The following FAR2 variants were observed in gnomAD, a reference collection of about 807,000 sequenced individuals.
The protein encoded by FAR2 is epididymis secretory protein Li 81.
A neutral mutation model predicts 56.0 loss-of-function variants in FAR2; 19 were observed. The observed-to-expected ratio is 0.34, with a 90% confidence interval of 0.24 to 0.50. The LOEUF is 0.50. Among genes scored for constraint, FAR2 ranks in the 20% least tolerant of loss-of-function variants. The pLI is 0.98. For missense variants in FAR2, 508 were observed against 642.2 expected (o/e 0.79, Z 2.26); for synonymous variants, 219 against 218.8 (o/e 1.00, Z -0.01).
rs770967446 is a variant in FAR2, at chr12:29,270,688, T to C, written c.189+50T>C. 2.7e-6 allele frequency: 4 copies of C among 1,486,994 alleles called. No homozygotes were observed. The South Asian group carries it at 5.4e-5, about 20-fold the overall frequency. 92.1% of individuals were successfully genotyped at this position (1,486,994 alleles called of 1,614,324 possible). A position where few individuals can be genotyped will look rare whatever the true frequency, so the allele number is the denominator to read the frequency against. ...TGATGGGCAATGCCTTAGGGCAAGA[T>C]GATTCACTACAATGTTCTCTTATAG... On this transcript the variant is annotated intron_variant, in intron 2 of 11. Coordinates refer to ENST00000536681, the MANE Select transcript of FAR2 (RefSeq NM_001271783.2).
At chr12:29,170,691 C>G (rs777120180) in intron 1 of FAR2, among the ~76,000 whole-genome samples, 19 of 151,990 alleles carry the variant, frequency 1.3e-4, no homozygotes, top group Non-Finnish European at 2.4e-4. Context: ...CTTCCTCTCT[C>G]TCTTTGACTT....
intron 1 of FAR2, among the ~76,000 whole-genome samples, chr12:29,239,960 A>G (rs937472985): frequency 1.3e-5 from 2 of 152,148 alleles, no homozygotes; most frequent in Non-Finnish European, 2.9e-5. Context: ...ACCACTATCC[A>G]GTCATCTGGC....
chr12:29,167,857 TAGAG>T (rs1438785087), intron 1 of FAR2, among the ~76,000 whole-genome samples: 1 of 152,176 alleles, frequency 6.6e-6, no homozygotes, highest in Non-Finnish European at 1.5e-5. Flanking sequence ...GACCAATGAC[TAGAG>T]AGAGTATCAA....
intron 1 of FAR2, among the ~76,000 whole-genome samples, chr12:29,198,170 C>T (rs967944182): frequency 2.0e-5 from 3 of 152,020 alleles, no homozygotes; most frequent in South Asian, 2.1e-4. Context: ...CACAGTTTTG[C>T]GCATAGGTGA....
intron 10 of FAR2, among the ~76,000 whole-genome samples, chr12:29,326,178 T>C (rs1340063196): frequency 6.6e-6 from 1 of 152,138 alleles, no homozygotes; most frequent in Non-Finnish European, 1.5e-5. Context: ...CCTCGACACA[T>C]ACACCCTCCC....
rs111954872 is a variant in FAR2 at position 29,286,090 on chromosome 12, T to C, written c.190-7210T>C. 7.6e-4 allele frequency among the ~76,000 whole-genome samples: 88 copies of C among 115,306 alleles called. 3 individuals carry two copies. In the South Asian group the frequency reaches 0.022, roughly 29 times the overall value. The allele number at this position is 115,306 out of a possible 152,430, so 75.6% of individuals were successfully genotyped here. A position where few individuals can be genotyped will look rare whatever the true frequency, so the allele number is the denominator to read the frequency against. On this transcript the variant is annotated intron_variant, in intron 2 of 11. Transcript: ENST00000536681. Reference sequence around the variant, plus strand: ...ACACACACACACACACACACACACATACACACACACACAACACAGCTTTCT... The same window carrying C: ...ACACACACACACACACACACACACACACACACACACACAACACAGCTTTCT...
Position 29,163,530 on chromosome 12 carries a change from C to T in FAR2, c.-39+14123C>T, listed in dbSNP as rs371488738. The stretch of plus-strand genomic sequence containing the variant: ...GTGCTCTATGTCTACATCAGATAAA[C>T]GACTAGATTATCTTTAAAGTTCCTT... On this transcript the variant is annotated intron_variant, in intron 1 of 11. Coordinates refer to ENST00000536681, the MANE Select transcript of FAR2 (RefSeq NM_001271783.2). Among the ~76,000 whole-genome samples the T allele has an allele frequency of 1.4e-3, 215 of 152,292 alleles. 1 individual carries two copies. The South Asian group carries it at 0.019, about 14-fold the overall frequency.
chr12:29,311,159 A>C lies in FAR2; in HGVS notation c.887+13A>C. 31 of 1,585,144 alleles carry C rather than the reference A, an allele frequency of 2.0e-5. No individual in the cohort carries two copies. Among genetic ancestry groups the C allele is most frequent in the Non-Finnish European group, 2.6e-5 (30 of 1,153,940 alleles). On this transcript the variant is annotated intron_variant, in intron 7 of 11. Coordinates refer to ENST00000536681, the MANE Select transcript of FAR2 (RefSeq NM_001271783.2). ...CTGCAGTTCACAGGTGTGGATGCTCAAGTGGGCTTTCAAAGACTTCATGAG... is the reference window on the plus strand; with the variant it reads ...CTGCAGTTCACAGGTGTGGATGCTCCAGTGGGCTTTCAAAGACTTCATGAG...
intron 1 of FAR2, among the ~76,000 whole-genome samples, chr12:29,267,598 G>C (rs772174748): frequency 3.9e-4 from 59 of 152,180 alleles, no homozygotes; most frequent in Non-Finnish European, 7.2e-4. Flanking sequence ...GGCAAGGCAA[G>C]AATGTTTAAT....
intron 1 of FAR2, among the ~76,000 whole-genome samples, chr12:29,162,169 A>C (rs1381822094): frequency 1.3e-5 from 2 of 151,980 alleles, no homozygotes; most frequent in Admixed American, 1.3e-4. Flanking sequence ...TTTTTTGCCT[A>C]CTCATGAAGC....
At chr12:29,236,498 C>T (rs997506107) in intron 1 of FAR2, among the ~76,000 whole-genome samples, 2 of 152,100 alleles carry the variant, frequency 1.3e-5, no homozygotes, top group African/African-American at 4.8e-5. Flanking sequence ...GGCCTCAGGG[C>T]ACTTACAATC....
rs112950557 is a variant in FAR2 at position 29,272,196 on chromosome 12, G to A, written c.189+1558G>A. Among the ~76,000 whole-genome samples, 432 of 152,230 alleles carry A rather than the reference G, an allele frequency of 2.8e-3. 5 individuals carry two copies. Among genetic ancestry groups the A allele is most frequent in the African/African-American group, 9.3e-3 (385 of 41,544 alleles). ...TTGGCCTGTCTTGCTAGGTTGGGGA[G>A]GTTTTCCTGGATAATATCCTAAAAT... On this transcript the variant is annotated intron_variant, in intron 2 of 11. Transcript: ENST00000536681.
chr12:29,307,709 T>G lies in FAR2; in HGVS notation c.597T>G (p.Asp199Glu). 1 of 1,613,836 alleles carries G rather than the reference T, an allele frequency of 6.2e-7. No homozygotes were observed. The highest frequency in any genetic ancestry group is 1.1e-5 in the South Asian group (1 of 91,072). The change falls in exon 5 of 12, where the codon GAT (aspartate) becomes GAG (glutamate). Residue 199 changes from aspartate (D) to glutamate (E), a missense_variant. Asp to Glu is a conservative substitution (Grantham distance 45). Transcript: ENST00000536681. ...AGATTACACCCAAGCTGATCAGAGATTGGCCCAATATTTATACCTACACCA... is the reference window on the plus strand; with the variant it reads ...AGATTACACCCAAGCTGATCAGAGAGTGGCCCAATATTTATACCTACACCA... ...IDEITPKLIRDWPNIYTYTKA... is the reference protein window; with the variant it reads ...IDEITPKLIREWPNIYTYTKA...
chr12:29,223,407 C>A (rs1239713365), intron 1 of FAR2, among the ~76,000 whole-genome samples: 3 of 152,184 alleles, frequency 2.0e-5, no homozygotes, highest in Non-Finnish European at 2.9e-5. Flanking sequence ...TATTCTTCAT[C>A]TTCAGCACTT....
intron 1 of FAR2, among the ~76,000 whole-genome samples, chr12:29,229,464 G>A (rs774497281): frequency 2.4e-4 from 37 of 152,020 alleles, no homozygotes; most frequent in South Asian, 2.1e-4. Flanking sequence ...AAATAAAGGT[G>A]TCAGAAACTC....
chr12:29,252,066 C>T (rs934572472), intron 1 of FAR2, among the ~76,000 whole-genome samples: 3 of 152,108 alleles, frequency 2.0e-5, no homozygotes, highest in African/African-American at 7.2e-5. Context: ...CCACTGGAAA[C>T]TTTGAGATCC....
intron 2 of FAR2, among the ~76,000 whole-genome samples, chr12:29,275,677 C>T (rs1008834941): frequency 6.6e-6 from 1 of 152,158 alleles, no homozygotes; most frequent in Non-Finnish European, 1.5e-5. Flanking sequence ...TTGTTTTCCT[C>T]ACATAGTAGA....
intron 1 of FAR2, among the ~76,000 whole-genome samples, chr12:29,213,256 C>T (rs1310291734): frequency 6.6e-6 from 1 of 151,838 alleles, no homozygotes. Flanking sequence ...CTAATAATAG[C>T]CCTTACTGGA....
intron 1 of FAR2, chr12:29,224,044 A>G (rs1269092000): frequency 6.6e-6 from 1 of 152,176 alleles, no homozygotes; most frequent in Non-Finnish European, 1.5e-5. Context: ...AGCAGAACTC[A>G]TTTATCCTAA....
Sources: gnomAD v4.1 joint callset for allele counts (sites outside exome capture counted in the v4.1 genomes callset) on GRCh38, gnomAD v4.1.1 for gene constraint, MANE v1.5 for transcripts, NCBI Gene and HGNC (gene_info 2026-07-23, HGNC 2026-07-21) for gene names.